PCDHGB1: variants seen among roughly 807,000 people sequenced by gnomAD.
PCDHGB1 encodes the protein protocadherin gamma subfamily B, 1.
A neutral mutation model predicts 56.6 loss-of-function variants in PCDHGB1; 34 were observed. The observed-to-expected ratio is 0.60, with a 90% CI of 0.46 to 0.80. The LOEUF is 0.80. PCDHGB1 is among the 30% of genes least tolerant of loss of function. PCDHGB1 has a pLI of 0.00. For synonymous variants in PCDHGB1, 561 were observed against 505.9 expected (o/e 1.11, Z -1.46); for missense variants, 1,278 against 1,204.6 (o/e 1.06, Z -0.90).
intron 1 of PCDHGB1, chr5:141,376,025 G>A (rs1561571387): frequency 6.2e-7 from 1 of 1,613,266 alleles, no homozygotes; most frequent in East Asian, 2.2e-5. Flanking sequence ...GGCCGTCCAG[G>A]ACCACGGCCA....
intron 1 of PCDHGB1, chr5:141,405,253 C>T (rs78501291): frequency 0.034 from 55,338 of 1,614,052 alleles, 1,052 homozygotes; most frequent in Middle Eastern, 0.098. Flanking sequence ...GGAAGAGTCA[C>T]CTGATCTTCC....
At chr5:141,462,781 G>C (rs893647456) in intron 1 of PCDHGB1, among the ~76,000 whole-genome samples, 1 of 152,102 alleles carries the variant, frequency 6.6e-6, no homozygotes, top group Non-Finnish European at 1.5e-5. Flanking sequence ...GTCATAATTT[G>C]TTGCTTATTT....
intron 1 of PCDHGB1, among the ~76,000 whole-genome samples, chr5:141,401,758 G>A (rs573644467): frequency 6.6e-6 from 1 of 152,234 alleles, no homozygotes; most frequent in East Asian, 1.9e-4. Flanking sequence ...CCCATTACAT[G>A]GTATAAGTCT....
rs747235974 is a variant in PCDHGB1 at position 141,355,555 on chromosome 5, G to A, written c.2409+2886G>A. ...AGAAGATACAGTGAAGATTTTGCGG[G>A]TAGAGGTGGAAATAATCGATGTTAA... On this transcript the variant is annotated intron_variant, in intron 1 of 3. Transcript: ENST00000523390. 6.2e-6 allele frequency: 10 copies of A among 1,613,946 alleles called. No homozygotes were observed. The African/African-American group carries it at 1.1e-4, about 17-fold the overall frequency.
chr5:141,496,923 C>T (rs963522127), intron 2 of PCDHGB1, among the ~76,000 whole-genome samples: 9 of 150,728 alleles, frequency 6.0e-5, no homozygotes, highest in East Asian at 1.9e-4. Context: ...CTGTGGTTCA[C>T]GCCTGTAATC....
At chr5:141,364,193 A>G (rs1588593751) in intron 1 of PCDHGB1, 1 of 1,067,164 alleles carries the variant, frequency 9.4e-7, no homozygotes, top group Non-Finnish European at 1.3e-6. Flanking sequence ...TACTAAACAC[A>G]CAGACCAGAC....
chr5:141,433,361 ATCT>A, intron 1 of PCDHGB1: 2 of 297,578 alleles, frequency 6.7e-6, no homozygotes, highest in Non-Finnish European at 1.3e-5. Context: ...CTGTCTGCCT[ATCT>A]ATCTATCTAT....
chr5:141,366,257 G>A, intron 1 of PCDHGB1: 1 of 1,613,694 alleles, frequency 6.2e-7, no homozygotes, highest in Middle Eastern at 1.6e-4. Flanking sequence ...GCAGAGCCTC[G>A]TGGTGGCCGT....
chr5:141,454,587 G>A (rs1000852095), intron 1 of PCDHGB1, among the ~76,000 whole-genome samples: 22 of 150,902 alleles, frequency 1.5e-4, no homozygotes, highest in African/African-American at 5.4e-4. Context: ...TGTATTTTTA[G>A]TAGAGACAGG....
chr5:141,477,502 C>A lies in PCDHGB1; in HGVS notation c.2410-17305C>A, dbSNP rs2099412065. On this transcript the variant is annotated intron_variant, in intron 1 of 3. Coordinates refer to ENST00000523390, the MANE Select transcript of PCDHGB1 (RefSeq NM_018922.3). This position sits in a 1 kb window ranked among gnomAD's most constrained non-coding sequence, Gnocchi z 4.9. ...CTCCACAATCTTCTCAATCTTCCTA[C>A]GACGTTTACATTGAAGAAAACAACC... The A allele has an allele frequency of 9.3e-6, 15 of 1,614,026 alleles. No homozygotes were observed. The highest frequency in any genetic ancestry group is 1.3e-5 in the Non-Finnish European group (15 of 1,180,026).
At chr5:141,375,457 A>T in intron 1 of PCDHGB1, 1 of 1,613,816 alleles carries the variant, frequency 6.2e-7, no homozygotes, top group East Asian at 2.2e-5. Flanking sequence ...CATCCTACTC[A>T]GTCTATGTCC....
rs879584256 is a variant in PCDHGB1, at chr5:141,350,353, C to T, written c.93C>T (p.Ile31=). The T allele has an allele frequency of 2.9e-5, 45 of 1,563,312 alleles. No individual in the cohort carries two copies. Among genetic ancestry groups the T allele is most frequent in the Non-Finnish European group, 3.8e-5 (44 of 1,154,834 alleles). Residue 31 remains isoleucine, a synonymous_variant, in exon 1 of 4, where the codon ATC becomes ATT. Transcript: ENST00000523390. ...TCTGCGGGGCCATCTCCCAGCAGAT[C>T]CGATACACGATTCCAGAGGAGCTAG... ...SLFCGAISQQ[I]RYTIPEELAN...
At chr5:141,389,364 C>CT (rs963046088) in intron 1 of PCDHGB1, 1 of 1,613,736 alleles carries the variant, frequency 6.2e-7, no homozygotes, top group African/African-American at 1.3e-5. Context: ...GGCCAGTGAC[C>CT]TGGAGCAGCG....
chr5:141,424,365 T>A (rs933291305), intron 1 of PCDHGB1: 7 of 152,246 alleles, frequency 4.6e-5, no homozygotes, highest in African/African-American at 1.7e-4. Context: ...TAGATCACAT[T>A]TTTTCTTAAG....
intron 1 of PCDHGB1, chr5:141,375,694 C>T (rs2150065576): frequency 1.2e-6 from 2 of 1,614,232 alleles, no homozygotes; most frequent in African/African-American, 2.7e-5. Context: ...CCAGCGACAG[C>T]GGGGACCCGC....
intron 1 of PCDHGB1, chr5:141,366,943 A>T (rs1481461689): frequency 1.3e-6 from 1 of 775,624 alleles, no homozygotes; most frequent in Non-Finnish European, 2.0e-6. Context: ...AGTCTAGCTG[A>T]TATCTGTAGA....
rs1280525764 is a variant in PCDHGB1 at position 141,367,851 on chromosome 5, GT to G, written c.2409+15185del. Reference sequence around the variant, plus strand: ...AATCAATACCTACTGCAATGTTAGCGTTTCTTTAAGTGTAGGTGCAATTCTT... The same window carrying G: ...AATCAATACCTACTGCAATGTTAGCGTTCTTTAAGTGTAGGTGCAATTCTT... On this transcript the variant is annotated intron_variant, in intron 1 of 3. Transcript: ENST00000523390. 2.6e-5 allele frequency: 4 copies of G among 151,844 alleles called. No homozygotes were observed. The East Asian group carries it at 5.8e-4, about 22-fold the overall frequency. The allele number at this position is 151,844 out of a possible 1,614,324, so 9.4% of individuals were successfully genotyped here.
chr5:141,492,552 T>A (rs1444534113), intron 1 of PCDHGB1, among the ~76,000 whole-genome samples: 1 of 152,084 alleles, frequency 6.6e-6, no homozygotes, highest in African/African-American at 2.4e-5. Context: ...CCGGGTCGCC[T>A]GGGGGGCGGC....
At chr5:141,418,577 C>T (rs1173424447) in intron 1 of PCDHGB1, 2 of 1,614,038 alleles carry the variant, frequency 1.2e-6, no homozygotes, top group South Asian at 1.1e-5. Context: ...TGACAACCCC[C>T]CAGTGTTCAG....
Sources: gnomAD v4.1 joint callset for allele counts (sites outside exome capture counted in the v4.1 genomes callset) on GRCh38, gnomAD v4.1.1 for gene constraint, Gnocchi (gnomAD v3.1) non-coding constraint, MANE v1.5 for transcripts, NCBI Gene and HGNC (gene_info 2026-07-23, HGNC 2026-07-21) for gene names.